The following MIB1 variants were observed in gnomAD, a reference collection of about 807,000 sequenced individuals.
MIB1 encodes E3 ubiquitin-protein ligase MIB1.
In MIB1, 278 loss-of-function variants were observed where a neutral mutation model predicts 124.5. That is an observed-to-expected ratio of 2.23 (90% CI 2.02 to 2.47). The LOEUF is 2.47. Ranked by LOEUF, MIB1 falls within the 30% of genes most tolerant of loss-of-function variation. MIB1 has a pLI of 0.00. For synonymous variants in MIB1, 446 were observed against 429.4 expected (o/e 1.04, Z -0.48); for missense variants, 957 against 1,254.4 (o/e 0.76, Z 3.58).
At chr18:21,716,103 G>A (rs552744889) in intron 1 of MIB1, among the ~76,000 whole-genome samples, 1 of 152,268 alleles carries the variant, frequency 6.6e-6, no homozygotes, top group African/African-American at 2.4e-5. Context: ...AATCTTAAGA[G>A]CTTTGAGGCA....
chr18:21,838,417 AAG>A lies in MIB1; in HGVS notation c.1884_1885del (p.Lys629ArgfsTer2). 6.2e-7 allele frequency: 1 copy of A among 1,610,550 alleles called. No individual in the cohort carries two copies. The highest frequency in any genetic ancestry group is 8.5e-7 in the Non-Finnish European group (1 of 1,177,454). The stretch of plus-strand genomic sequence containing the variant: ...ACCAAGACCATGGATTGTGGATGAG[AAG>A]AAAGATGATGGTTATACTGCCTTAC... ...KLPRPWIVDE[K>X]KDDGYTALHL... On this transcript the variant is annotated frameshift_variant, in exon 13 of 21. Coordinates refer to ENST00000261537, the MANE Select transcript of MIB1 (RefSeq NM_020774.4). LOFTEE classifies it high-confidence loss of function.
chr18:21,853,115 T>C (rs1415568468), intron 17 of MIB1, 25 bp from the exon 18 acceptor site: 1 of 1,502,846 alleles, frequency 6.7e-7, no homozygotes. Flanking sequence ...AAATGGTCAC[T>C]GTGCTGTAAC....
At chr18:21,766,648 T>A (rs2041162595) in intron 2 of MIB1, among the ~76,000 whole-genome samples, 1 of 152,136 alleles carries the variant, frequency 6.6e-6, no homozygotes, top group African/African-American at 2.4e-5. Flanking sequence ...TTGGTGTAGA[T>A]CATAATCGTG....
intron 19 of MIB1, among the ~76,000 whole-genome samples, chr18:21,857,856 G>A (rs530749381): frequency 2.0e-5 from 3 of 152,296 alleles, no homozygotes; most frequent in African/African-American, 7.2e-5. Context: ...TGTTTTATGA[G>A]CAGATGAGGA....
At chr18:21,776,573 G>A (rs2041290179) in intron 4 of MIB1, among the ~76,000 whole-genome samples, 1 of 152,140 alleles carries the variant, frequency 6.6e-6, no homozygotes, top group Non-Finnish European at 1.5e-5. Flanking sequence ...CACATTTTCT[G>A]TACTTTTAAT....
chr18:21,818,344 G>A (rs74719314), intron 11 of MIB1, among the ~76,000 whole-genome samples: 37 of 152,114 alleles, frequency 2.4e-4, no homozygotes, highest in African/African-American at 8.7e-4. Flanking sequence ...GAAAGCCACC[G>A]ACTTTCAATT....
chr18:21,706,648 G>A (rs1388013386), intron 1 of MIB1, among the ~76,000 whole-genome samples: 1 of 152,214 alleles, frequency 6.6e-6, no homozygotes, highest in Non-Finnish European at 1.5e-5. Context: ...CCAGTGAGGG[G>A]CTTAGCACCC....
chr18:21,851,034 T>C (rs1013275656), intron 17 of MIB1, among the ~76,000 whole-genome samples: 5 of 152,164 alleles, frequency 3.3e-5, no homozygotes, highest in Non-Finnish European at 7.4e-5. Context: ...CTATGACTTA[T>C]ATATAAGCAA....
In MIB1 at chr18:21,866,150, T is replaced by G. The variant is rs2042319977; in HGVS notation, c.*1484T>G. The stretch of plus-strand genomic sequence containing the variant: ...TGGCTAGCTTTTCTTACTTCAGTTT[T>G]TATAGAACACCAACTAAATTTGAAA... On this transcript the variant is annotated 3_prime_UTR_variant, in exon 21 of 21. Transcript: ENST00000261537. 1 of 152,224 alleles carries G rather than the reference T, an allele frequency of 6.6e-6. No homozygotes were observed. The highest frequency in any genetic ancestry group is 1.5e-5 in the Non-Finnish European group (1 of 68,038). The allele number at this position is 152,224 out of a possible 1,614,324, so 9.4% of individuals were successfully genotyped here.
intron 7 of MIB1, among the ~76,000 whole-genome samples, chr18:21,795,671 T>C (rs2041570494): frequency 6.6e-6 from 1 of 151,994 alleles, no homozygotes; most frequent in Non-Finnish European, 1.5e-5. Flanking sequence ...ATGAAATAAA[T>C]GAAACTAAGT....
At chr18:21,842,996 A>C (rs1428652336) in intron 13 of MIB1, 135 bp from the exon 14 acceptor site, 3 of 584,552 alleles carry the variant, frequency 5.1e-6, no homozygotes, top group Non-Finnish European at 8.7e-6. Context: ...ACCATATGAG[A>C]ATAACATTGC....
intron 1 of MIB1, among the ~76,000 whole-genome samples, chr18:21,743,204 T>A (rs1472848183): frequency 6.6e-6 from 1 of 152,246 alleles, no homozygotes; most frequent in Non-Finnish European, 1.5e-5. Context: ...TGCAGAATAC[T>A]CTATTGCATG....
chr18:21,780,204 G>T (rs1435245586), intron 6 of MIB1, among the ~76,000 whole-genome samples: 1 of 152,136 alleles, frequency 6.6e-6, no homozygotes, highest in Non-Finnish European at 1.5e-5. Context: ...GGCAATTGGG[G>T]CAACCATCAG....
intron 20 of MIB1, among the ~76,000 whole-genome samples, chr18:21,861,909 CTT>C (rs199832209): frequency 1.3e-5 from 2 of 148,328 alleles, no homozygotes; most frequent in Admixed American, 6.7e-5. Context: ...TTTTGCTTTT[CTT>C]TTTTTTTTGA....
intron 10 of MIB1, among the ~76,000 whole-genome samples, chr18:21,810,220 AAAT>A (rs1311231696): frequency 6.6e-6 from 1 of 152,108 alleles, no homozygotes; most frequent in Non-Finnish European, 1.5e-5. Flanking sequence ...GAAAACTACA[AAAT>A]ATTGCTGAAA....
chr18:21,741,806 C>A lies in MIB1; in HGVS notation c.223C>A (p.Pro75Thr). The A allele has an allele frequency of 1.9e-6, 3 of 1,598,634 alleles. No homozygotes were observed. The highest frequency in any genetic ancestry group is 2.6e-6 in the Non-Finnish European group (3 of 1,173,642). The change falls in exon 1 of 21, where the codon CCC (proline) becomes ACC (threonine). Residue 75 changes from proline to threonine, a missense_variant. By Grantham distance (38) the Pro-to-Thr change is conservative. Transcript: ENST00000261537. This position sits in a 1 kb window ranked among gnomAD's most constrained non-coding sequence, Gnocchi z 5.4. ...AYDLRILDSAPTGIKHDGTMC... is the reference protein window; with the variant it reads ...AYDLRILDSATTGIKHDGTMC... ...CGACCTCCGCATCCTGGACAGCGCG[C>A]CCACCGGTAAGCCGCGGCCACCTGG...
At chr18:21,722,089 C>G (rs951775833) in intron 1 of MIB1, among the ~76,000 whole-genome samples, 1 of 152,054 alleles carries the variant, frequency 6.6e-6, no homozygotes, top group Non-Finnish European at 1.5e-5. Flanking sequence ...GGGTCTTGCT[C>G]TGTTGCCCAG....
intron 20 of MIB1, among the ~76,000 whole-genome samples, chr18:21,863,516 T>C (rs1245560870): frequency 6.6e-6 from 1 of 152,066 alleles, no homozygotes; most frequent in Non-Finnish European, 1.5e-5. Context: ...TCCCCTGAAG[T>C]CCGGCCATCT....
chr18:21,864,678 G>A lies in MIB1; in HGVS notation c.*12G>A. On this transcript the variant is annotated 3_prime_UTR_variant, in exon 21 of 21. Transcript: ENST00000261537. Reference sequence around the variant, plus strand: ...TTCTTTTGTATTAACTAAGACACATGGTGTATTTTGTTAGCTAATGTATCT... The same window carrying A: ...TTCTTTTGTATTAACTAAGACACATAGTGTATTTTGTTAGCTAATGTATCT... 6.2e-7 allele frequency: 1 copy of A among 1,603,816 alleles called. No homozygotes were observed. The highest frequency in any genetic ancestry group is 8.5e-7 in the Non-Finnish European group (1 of 1,172,430).
Sources: gnomAD v4.1 joint callset for allele counts (sites outside exome capture counted in the v4.1 genomes callset) on GRCh38, gnomAD v4.1.1 for gene constraint, Gnocchi (gnomAD v3.1) non-coding constraint, MANE v1.5 for transcripts, NCBI Gene and HGNC (gene_info 2026-07-23, HGNC 2026-07-21) for gene names.